ZZEF1: variants seen among roughly 807,000 people sequenced by gnomAD.
The protein encoded by ZZEF1 is zinc finger ZZ-type and EF-hand domain containing 1.
In ZZEF1, 157 loss-of-function variants were observed where a neutral mutation model predicts 342.8. The observed-to-expected ratio is 0.46, with a 90% CI of 0.40 to 0.52. The LOEUF (loss-of-function observed/expected upper bound fraction) is 0.52, where lower values mean the gene tolerates loss of function less well. Ranked by LOEUF, ZZEF1 falls within the 20% of genes least tolerant of loss-of-function variation. The pLI, the probability that ZZEF1 is intolerant of heterozygous loss-of-function variation, is 0.00. For missense variants in ZZEF1, 3,480 were observed against 3,725.6 expected, an observed-to-expected ratio of 0.93 and a Z score of 1.72; for synonymous variants, 1,505 against 1,429.1, an observed-to-expected ratio of 1.05 and a Z score of -1.20.
Position 4,114,368 on chromosome 17 carries a change from T to C in ZZEF1, c.797A>G (p.Asp266Gly). The C allele has an allele frequency of 6.2e-7, 1 of 1,612,652 alleles. No individual in the cohort carries two copies. The highest frequency in any genetic ancestry group is 1.7e-5 in the Admixed American group (1 of 59,778). Residue 266 changes from aspartate (D) to glycine (G), a missense_variant, in exon 4 of 55, where the codon GAC becomes GGC. Asp to Gly is a moderately conservative substitution (Grantham distance 94, BLOSUM62 -1). Around this residue, in one of 5 missense-constraint regions of ZZEF1, gnomAD observed 416 missense variants for 374.2 expected, o/e 1.11. Transcript: ENST00000381638. ...IETSSNSADI[D>G]KMTNGETSSY... ...TGAGGTTTCTCCATTTGTCATCTTG[T>C]CAATGTCTGCCGAGTTGGAGGATGT...
chr17:4,081,474 C>A lies in ZZEF1; in HGVS notation c.2731G>T (p.Gly911Cys), dbSNP rs759265730. The change falls in exon 18 of 55, where the codon GGC becomes TGC. Residue 911 changes from glycine to cysteine, a missense_variant. Coordinates refer to ENST00000381638, the MANE Select transcript of ZZEF1 (RefSeq NM_015113.4). ...TTCTTCTCAGGTAAAAGAAGAAGGC[C>A]GCCTGGATCCTTGTCACTGAAAGGA... ...CTYFSDKDPG[G>C]LLLLPEKNDL... The A allele has an allele frequency of 3.1e-6, 5 of 1,613,936 alleles. No homozygotes were observed. The highest frequency in any genetic ancestry group is 4.2e-6 in the Non-Finnish European group (5 of 1,179,906).
chr17:4,119,206 G>C (rs148185756), intron 2 of ZZEF1, among the ~76,000 whole-genome samples: 1 of 152,292 alleles, frequency 6.6e-6, no homozygotes, highest in East Asian at 1.9e-4. Flanking sequence ...AGCTACAATC[G>C]GAGTCACCAC....
chr17:4,018,145 A>G (rs528445702), intron 46 of ZZEF1, among the ~76,000 whole-genome samples, 174 bp from the exon 47 acceptor site: 4 of 152,378 alleles, frequency 2.6e-5, no homozygotes, highest in Admixed American at 6.5e-5. Flanking sequence ...GCATGGATAC[A>G]GAATGCATGT....
At position 4,087,491 on chromosome 17, in the gene ZZEF1, T is replaced by A; in HGVS notation, c.2285A>T (p.Asp762Val). Residue 762 changes from aspartate to valine, a missense_variant, in exon 14 of 55, where the codon GAC (aspartate) becomes GTC (valine). Around this residue, in one of 5 missense-constraint regions of ZZEF1, gnomAD observed 1,528 missense variants for 1,624.1 expected, o/e 0.94. Transcript: ENST00000381638. ...GATCTGCAAATCAAGACCCGCGAAG[T>A]CCAGAAAAGATTTATATTTTAAGCC... ...ESGLKYKSFL[D>V]FAGLDLQIFW... 4.3e-6 allele frequency: 7 copies of A among 1,611,252 alleles called. No homozygotes were observed. The highest frequency in any genetic ancestry group is 5.9e-6 in the Non-Finnish European group (7 of 1,179,358).
intron 54 of ZZEF1, among the ~76,000 whole-genome samples, chr17:4,007,673 G>A (rs2055837914): frequency 6.6e-6 from 1 of 152,168 alleles, no homozygotes; most frequent in Non-Finnish European, 1.5e-5. Flanking sequence ...CGGCAATGCT[G>A]GTAGGTAGCT....
intron 1 of ZZEF1, among the ~76,000 whole-genome samples, chr17:4,125,581 T>C (rs992705057): frequency 4.6e-5 from 7 of 152,196 alleles, no homozygotes; most frequent in African/African-American, 7.2e-5. Context: ...AAAAAGTTAA[T>C]AGGATCAAAG....
At chr17:4,081,302 G>T in intron 18 of ZZEF1, 74 bp downstream of exon 18, 1 of 1,210,132 alleles carries the variant, frequency 8.3e-7, no homozygotes, top group Non-Finnish European at 1.2e-6. Context: ...GGCAAAGGGG[G>T]GCACAAGAGA....
At chr17:4,066,284 C>G (rs2057392710) in intron 28 of ZZEF1, among the ~76,000 whole-genome samples, 163 bp downstream of exon 28, 1 of 152,210 alleles carries the variant, frequency 6.6e-6, no homozygotes, top group East Asian at 1.9e-4. Flanking sequence ...GGGATTTTCT[C>G]TATTTATGAT....
chr17:4,090,708 C>T lies in ZZEF1; in HGVS notation c.2025+11G>A, dbSNP rs76563627. On this transcript the variant is annotated intron_variant, in intron 12 of 54. Coordinates refer to ENST00000381638, the MANE Select transcript of ZZEF1 (RefSeq NM_015113.4). ...AGGAGGGGAGTGGGCAAACGACGCA[C>T]TAATGCTTACTTTGGCAACTCTGCA... 0.071 allele frequency: 114,937 copies of T among 1,610,320 alleles called. 4,919 individuals are homozygous for T. The highest frequency in any genetic ancestry group is 0.15 in the Admixed American group (8,775 of 59,998).
intron 21 of ZZEF1, 94 bp from the exon 22 acceptor site, chr17:4,075,523 G>A: frequency 6.9e-7 from 1 of 1,439,770 alleles, no homozygotes; most frequent in South Asian, 1.4e-5. Flanking sequence ...GCTCCAGGCA[G>A]ATGGCCTTGA....
chr17:4,074,051 C>T (rs961080574), intron 24 of ZZEF1, 99 bp downstream of exon 24: 3 of 1,314,600 alleles, frequency 2.3e-6, no homozygotes, highest in Non-Finnish European at 2.1e-6. Context: ...GTATTATTAA[C>T]CCCCTGCCAT....
chr17:4,044,447 TAATGA>T (rs2056868004), intron 37 of ZZEF1, 73 bp from the exon 38 acceptor site: 2 of 1,409,328 alleles, frequency 1.4e-6, no homozygotes, highest in African/African-American at 2.9e-5. Context: ...GATAACTTTT[TAATGA>T]TTAGCCAGTC....
chr17:4,041,609 AAATT>A (rs1420307439), intron 39 of ZZEF1, among the ~76,000 whole-genome samples: 2 of 152,202 alleles, frequency 1.3e-5, no homozygotes, highest in Non-Finnish European at 2.9e-5. Flanking sequence ...AGCTATTCCT[AAATT>A]AATAAATAAA....
In ZZEF1 at chr17:4,017,412, C is replaced by A. The variant is rs1225735377; in HGVS notation, c.7960G>T (p.Asp2654Tyr). Residue 2654 changes from aspartate to tyrosine, a missense_variant, in exon 48 of 55, where the codon GAT (aspartate) becomes TAT (tyrosine). Asp to Tyr is a radical substitution (Grantham distance 160). This residue lies in a region of ZZEF1 where 1,269 missense variants were observed against 1,342.4 expected (regional missense o/e 0.95). Transcript: ENST00000381638. This position sits in a 1 kb window ranked among gnomAD's most constrained non-coding sequence, Gnocchi z 5.1. Reference sequence around the variant, plus strand: ...TTTTCTTCCAGCTGCATGAACATATCCAAAATGTAGGTCATATGGGCAGGG... The same window carrying A: ...TTTTCTTCCAGCTGCATGAACATATACAAAATGTAGGTCATATGGGCAGGG... The part of the protein sequence containing the change: ...SGPAHMTYIL[D>Y]MFMQLEEKHE... 1.2e-6 allele frequency: 2 copies of A among 1,607,926 alleles called. No homozygotes were observed. Among genetic ancestry groups the A allele is most frequent in the Non-Finnish European group, 1.7e-6 (2 of 1,175,080 alleles).
rs115559041 is a variant in ZZEF1 at position 4,095,170 on chromosome 17, C to T, written c.1913+661G>A. 8.5e-3 allele frequency among the ~76,000 whole-genome samples: 1,287 copies of T among 152,198 alleles called. 16 individuals are homozygous for T. Among genetic ancestry groups the T allele is most frequent in the African/African-American group, 0.03 (1,229 of 41,500 alleles). Reference sequence around the variant, plus strand: ...AATGTGCCATGCTTCACCTCTGGGCCCATGAAGCTGCCCTCTCTGCTTAGG... The same window carrying T: ...AATGTGCCATGCTTCACCTCTGGGCTCATGAAGCTGCCCTCTCTGCTTAGG... On this transcript the variant is annotated intron_variant, in intron 11 of 54. Coordinates refer to ENST00000381638, the MANE Select transcript of ZZEF1 (RefSeq NM_015113.4).
At chr17:4,034,544 C>T (rs1331938254) in intron 39 of ZZEF1, among the ~76,000 whole-genome samples, 1 of 152,168 alleles carries the variant, frequency 6.6e-6, no homozygotes, top group African/African-American at 2.4e-5. Context: ...CCTCACCTTT[C>T]AAAATGTCCA....
chr17:4,024,010 C>T (rs1366880992), intron 43 of ZZEF1, among the ~76,000 whole-genome samples: 1 of 152,072 alleles, frequency 6.6e-6, no homozygotes, highest in Non-Finnish European at 1.5e-5. Context: ...TCAGTGCTTC[C>T]ACCGAACAGC....
intron 1 of ZZEF1, among the ~76,000 whole-genome samples, chr17:4,135,288 T>C (rs964936105): frequency 6.6e-6 from 1 of 152,096 alleles, no homozygotes; most frequent in Non-Finnish European, 1.5e-5. Flanking sequence ...CCAGCCTGGG[T>C]AACATGATGA....
intron 52 of ZZEF1, among the ~76,000 whole-genome samples, chr17:4,011,830 T>C (rs766389269): frequency 8.5e-5 from 13 of 152,236 alleles, no homozygotes; most frequent in Non-Finnish European, 1.9e-4. Flanking sequence ...TTCTGATAGC[T>C]TTCCAGCTGG....
Sources: allele counts gnomAD v4.1 joint callset (sites outside exome capture counted in the v4.1 genomes callset), GRCh38; gene constraint gnomAD v4.1.1; regional missense constraint gnomAD v4.1.1; non-coding constraint Gnocchi (gnomAD v3.1); transcripts MANE v1.5; gene names NCBI Gene and HGNC (gene_info 2026-07-23, HGNC 2026-07-21).